The following NCBP2L variants were observed in gnomAD, a reference collection of about 807,000 sequenced individuals.
The protein encoded by NCBP2L is nuclear cap binding protein subunit 2 like.
For missense variants in NCBP2L, 95 were observed against 53.1 expected (o/e 1.79, Z -2.45); for synonymous variants, 39 against 19.2 (o/e 2.04, Z -2.70).
chrX:107,782,273 AT>A (rs1289460428), intron 1 of NCBP2L, among the ~76,000 whole-genome samples: 1 of 28,042 alleles, frequency 3.6e-5, no homozygotes, highest in African/African-American at 4.6e-4. Flanking sequence ...ATATATATAT[AT>A]AAATATATAT....
At chrX:107,782,235 AAATAT>A (rs1930312705) in intron 1 of NCBP2L, among the ~76,000 whole-genome samples, 5 of 21,625 alleles carry the variant, frequency 2.3e-4, no homozygotes, top group East Asian at 1.6e-3. Flanking sequence ...ATATATATAT[AAATAT>A]ATATATATAA....
intron 1 of NCBP2L, among the ~76,000 whole-genome samples, chrX:107,781,692 C>CTCTCTCTCTCTCTCTATATATATATA (rs1395038482): frequency 3.0e-5 from 2 of 66,919 alleles, no homozygotes; most frequent in Non-Finnish European, 5.0e-5. Context: ...CTCTCTCTCT[C>CTCTCTCTCTCTCTCTATATATATATA]TATATATATA....
intron 1 of NCBP2L, among the ~76,000 whole-genome samples, chrX:107,780,131 C>T (rs1246879809): frequency 3.6e-5 from 4 of 111,003 alleles, no homozygotes; most frequent in South Asian, 3.8e-4. Flanking sequence ...CCGGGGTGGG[C>T]GGATCCCTTG....
At chrX:107,781,856 A>T (rs184950230) in intron 1 of NCBP2L, among the ~76,000 whole-genome samples, 2,929 of 96,434 alleles carry the variant, frequency 0.03, 64 homozygotes, top group Middle Eastern at 0.052. Flanking sequence ...ATATATATAT[A>T]TTTTTTTCTT....
chrX:107,784,594 A>C (rs928980057), intron 1 of NCBP2L, among the ~76,000 whole-genome samples: 4 of 109,878 alleles, frequency 3.6e-5, no homozygotes, highest in Non-Finnish European at 7.6e-5. Context: ...CCCAACCATA[A>C]CAATCTCTGG....
rs1046001652 is a variant in NCBP2L, at chrX:107,795,201, G to A, written c.*519G>A. On this transcript the variant is annotated 3_prime_UTR_variant, in exon 2 of 2. Transcript: ENST00000509000. ...CCTATCCTACGCCTATTCCCTGGAC[G>A]ATAACGCTTAATTATTTTTATTAGT... is the stretch of plus-strand genomic sequence containing the variant. 7 of 112,164 alleles carry A rather than the reference G, an allele frequency of 6.2e-5. No individual in the cohort carries two copies. Among genetic ancestry groups the A allele is most frequent in the African/African-American group, 2.3e-4 (7 of 30,824 alleles). The allele number at this position is 112,164 out of a possible 1,213,427, so 9.2% of individuals were successfully genotyped here.
chrX:107,785,949 C>A (rs1236006227), intron 1 of NCBP2L, among the ~76,000 whole-genome samples: 1 of 108,407 alleles, frequency 9.2e-6, no homozygotes, highest in Non-Finnish European at 1.9e-5. Context: ...CCCAAGCTAC[C>A]GATTAGGGGC....
intron 1 of NCBP2L, among the ~76,000 whole-genome samples, chrX:107,785,197 G>C (rs1384469760): frequency 8.9e-6 from 1 of 111,835 alleles, no homozygotes; most frequent in African/African-American, 3.3e-5. Context: ...TTGGTTTTCT[G>C]ATGAGCCTCT....
chrX:107,780,479 C>T (rs1273230381), intron 1 of NCBP2L, among the ~76,000 whole-genome samples: 2 of 110,761 alleles, frequency 1.8e-5, no homozygotes, highest in Non-Finnish European at 3.8e-5. Flanking sequence ...TCATAGCTCT[C>T]GGAGACATGG....
At chrX:107,781,660 A>C (rs866006357) in intron 1 of NCBP2L, among the ~76,000 whole-genome samples, 4 of 65,547 alleles carry the variant, frequency 6.1e-5, no homozygotes, top group Non-Finnish European at 7.4e-5. Flanking sequence ...TCATCTATCT[A>C]TCTATCTATC....
intron 1 of NCBP2L, among the ~76,000 whole-genome samples, chrX:107,781,690 C>CTATA (rs1453303585): frequency 4.0e-5 from 3 of 74,239 alleles, no homozygotes; most frequent in Non-Finnish European, 7.2e-5. Flanking sequence ...CTCTCTCTCT[C>CTATA]TCTATATATA....
At chrX:107,781,664 A>ATCTCTCTCTCTCTCTCTCTC (rs1306466951) in intron 1 of NCBP2L, among the ~76,000 whole-genome samples, 1 of 65,426 alleles carries the variant, frequency 1.5e-5, no homozygotes, top group Admixed American at 1.6e-4. Flanking sequence ...CTATCTATCT[A>ATCTCTCTCTCTCTCTCTCTC]TCTATCTATC....
At chrX:107,780,036 G>A (rs1258620709) in intron 1 of NCBP2L, among the ~76,000 whole-genome samples, 3 of 110,143 alleles carry the variant, frequency 2.7e-5, no homozygotes, top group Non-Finnish European at 3.8e-5. Context: ...GAGCCACCGC[G>A]CCCAGCCTCC....
chrX:107,790,077 TC>T (rs1459160873), intron 1 of NCBP2L, among the ~76,000 whole-genome samples: 2 of 110,683 alleles, frequency 1.8e-5, no homozygotes, highest in Non-Finnish European at 3.8e-5. Context: ...TCCTCCTCTG[TC>T]TGCCCAACTG....
Position 107,782,196 on chromosome X carries a change from AATAT to A in NCBP2L, c.-73+4348_-73+4351del, listed in dbSNP as rs139714509. Among the ~76,000 whole-genome samples, 5 of 19,563 alleles carry A rather than the reference AATAT, an allele frequency of 2.6e-4. 1 individual carries two copies. The highest frequency in any genetic ancestry group is 6.3e-4 in the African/African-American group (2 of 3,180). 17.0% of individuals were successfully genotyped at this position (19,563 alleles called of 115,157 possible). A position where few individuals can be genotyped will look rare whatever the true frequency, so the allele number is the denominator to read the frequency against. The stretch of plus-strand genomic sequence containing the variant: ...ATATATATATAAATATATATATATA[AATAT>A]ATATATATAAATATATATATAAATA... On this transcript the variant is annotated intron_variant, in intron 1 of 1. Transcript: ENST00000509000.
intron 1 of NCBP2L, among the ~76,000 whole-genome samples, chrX:107,782,275 AAATATATATAAAT>A (rs1930319936): frequency 3.6e-5 from 1 of 27,827 alleles, no homozygotes; most frequent in African/African-American, 4.4e-4. Context: ...ATATATATAT[AAATATATATAAAT>A]ATATATATAT....
At chrX:107,778,885 CA>C (rs754495749) in intron 1 of NCBP2L, among the ~76,000 whole-genome samples, 27 of 111,753 alleles carry the variant, frequency 2.4e-4, no homozygotes, top group Admixed American at 1.5e-3. Context: ...GAGCTGCAGA[CA>C]GACAAAAACA....
chrX:107,785,878 G>T (rs898751316), intron 1 of NCBP2L, among the ~76,000 whole-genome samples: 2 of 110,818 alleles, frequency 1.8e-5, no homozygotes, highest in African/African-American at 6.6e-5. Flanking sequence ...AGAGAGCAGG[G>T]CAGGAGAAGG....
chrX:107,795,756 T>C lies in NCBP2L; in HGVS notation c.*1074T>C, dbSNP rs1461183584. On this transcript the variant is annotated 3_prime_UTR_variant, in exon 2 of 2. Transcript: ENST00000509000. ...TAAGTCAATGAGCATCTGTACTTAC[T>C]TTCTTTACTGTTACATAGCATAACT... 2 of 112,023 alleles carry C rather than the reference T, an allele frequency of 1.8e-5. No homozygotes were observed. The highest frequency in any genetic ancestry group is 6.5e-5 in the African/African-American group (2 of 30,808). 9.2% of individuals were successfully genotyped at this position (112,023 alleles called of 1,213,427 possible). A position where few individuals can be genotyped will look rare whatever the true frequency, so the allele number is the denominator to read the frequency against.
Sources: allele counts gnomAD v4.1 joint callset (sites outside exome capture counted in the v4.1 genomes callset), GRCh38; gene constraint gnomAD v4.1.1; transcripts MANE v1.5; gene names NCBI Gene and HGNC (gene_info 2026-07-23, HGNC 2026-07-21).